Variants in CMC1 observed in about 807,000 individuals in gnomAD.
The protein encoded by CMC1 is C-X9-C motif containing 1, also known as COX assembly mitochondrial protein homolog.
In CMC1, 14 loss-of-function variants were observed where a neutral mutation model predicts 14.1. That is an observed-to-expected ratio of 0.99 (90% CI 0.66 to 1.55). The LOEUF is 1.55. Among genes scored for constraint, CMC1 ranks in the 40% most tolerant of loss-of-function variants. The pLI, the probability that CMC1 is intolerant of heterozygous loss-of-function variation, is 0.00. For synonymous variants in CMC1, 50 were observed against 38.4 expected, an observed-to-expected ratio of 1.30 and a Z score of -1.12; for missense variants, 127 against 123.8, an observed-to-expected ratio of 1.03 and a Z score of -0.12.
chr3:28,270,920 C>CTTTTTTTTTTTTTTTTTTTTTTTTT (rs71087680), intron 2 of CMC1, among the ~76,000 whole-genome samples: 2 of 83,738 alleles, frequency 2.4e-5, no homozygotes, highest in Non-Finnish European at 4.5e-5. Flanking sequence ...GAGTTAATTT[C>CTTTTTTTTTTTTTTTTTTTTTTTTT]TTTTTTTTTT....
At chr3:28,289,278 G>A (rs1701350021) in intron 2 of CMC1, among the ~76,000 whole-genome samples, 1 of 151,686 alleles carries the variant, frequency 6.6e-6, no homozygotes, top group African/African-American at 2.4e-5. Flanking sequence ...ATAAACTTTA[G>A]CTAGGTATCA....
At chr3:28,250,974 G>A (rs1224336118) in intron 1 of CMC1, among the ~76,000 whole-genome samples, 2 of 152,170 alleles carry the variant, frequency 1.3e-5, no homozygotes, top group East Asian at 1.9e-4. Context: ...TGTTCTGAAA[G>A]TTAATTTGAA....
intron 2 of CMC1, among the ~76,000 whole-genome samples, chr3:28,300,158 G>C (rs1701951994): frequency 6.6e-6 from 1 of 152,000 alleles, no homozygotes. Flanking sequence ...ATCATTGTCA[G>C]ATTTCTTCGA....
Position 28,324,585 on chromosome 3 carries a change from G to T in CMC1, c.*4956G>T. On this transcript the variant is annotated 3_prime_UTR_variant, in exon 4 of 4. Coordinates refer to ENST00000466830, the MANE Select transcript of CMC1 (RefSeq NM_182523.2). Reference sequence around the variant, plus strand: ...ATTTCCAAGTTAGTGTGATCATTGAGGCACTGTGACTAGGAGATAAATGAC... The same window carrying T: ...ATTTCCAAGTTAGTGTGATCATTGATGCACTGTGACTAGGAGATAAATGAC... 1 of 777,204 alleles carries T rather than the reference G, an allele frequency of 1.3e-6. No individual in the cohort carries two copies. Among genetic ancestry groups the T allele is most frequent in the Non-Finnish European group, 1.8e-6 (1 of 546,610 alleles). 48.1% of individuals were successfully genotyped at this position (777,204 alleles called of 1,614,324 possible).
At chr3:28,309,813 G>A (rs111987856) in intron 2 of CMC1, among the ~76,000 whole-genome samples, 2 of 133,486 alleles carry the variant, frequency 1.5e-5, no homozygotes, top group African/African-American at 6.1e-5. Flanking sequence ...TCCTGCAGCT[G>A]ATATTTACCA....
In CMC1 at chr3:28,241,682, CG is replaced by C. The variant is rs1370623416; in HGVS notation, c.-109del. The C allele has an allele frequency of 3.5e-5, 43 of 1,235,810 alleles. No homozygotes were observed. The East Asian group carries it at 7.9e-4, about 23-fold the overall frequency. The allele number at this position is 1,235,810 out of a possible 1,614,324, so 76.6% of individuals were successfully genotyped here. A position where few individuals can be genotyped will look rare whatever the true frequency, so the allele number is the denominator to read the frequency against. ...TTGCAAAGGGCCCGTGTTTCTGTTG[CG>C]GGAAGCTCCCGGGGGTCGCACGTGC... On this transcript the variant is annotated 5_prime_UTR_variant, in exon 1 of 4. Transcript: ENST00000466830.
In CMC1 at chr3:28,270,350, G is replaced by C. The variant is rs551532765; in HGVS notation, c.109+6970G>C. Among the ~76,000 whole-genome samples the C allele has an allele frequency of 1.7e-4, 26 of 152,300 alleles. 1 individual carries two copies. In the East Asian group the frequency reaches 2.9e-3, roughly 17 times the overall value. ...GAATCACCACACTGTCTTCCACAAT[G>C]GTTGAACTAATTTACATTCCCACCA... On this transcript the variant is annotated intron_variant, in intron 2 of 3. Coordinates refer to ENST00000466830, the MANE Select transcript of CMC1 (RefSeq NM_182523.2).
At chr3:28,241,957 G>A in intron 1 of CMC1, 145 bp downstream of exon 1, 1 of 782,040 alleles carries the variant, frequency 1.3e-6, no homozygotes, top group Middle Eastern at 2.5e-4. Context: ...CCCGGCGGCT[G>A]CTTCGCCCGG....
chr3:28,306,450 G>A (rs1349644957), intron 2 of CMC1, among the ~76,000 whole-genome samples: 1 of 151,954 alleles, frequency 6.6e-6, no homozygotes, highest in African/African-American at 2.4e-5. Flanking sequence ...TATTGTAAAT[G>A]GGATTGAGTT....
chr3:28,272,593 G>A (rs929133090), intron 2 of CMC1, among the ~76,000 whole-genome samples: 7 of 152,094 alleles, frequency 4.6e-5, no homozygotes, highest in East Asian at 1.9e-4. Flanking sequence ...GTGGATAAAC[G>A]TCTTGATGTG....
intron 1 of CMC1, among the ~76,000 whole-genome samples, chr3:28,243,800 C>G (rs1283424674): frequency 6.6e-6 from 1 of 152,204 alleles, no homozygotes; most frequent in Non-Finnish European, 1.5e-5. Context: ...ATTAACACCC[C>G]CTTTTCCCCC....
rs948676118 is a variant in CMC1 at position 28,321,799 on chromosome 3, T to C, written c.*2170T>C. 4 of 151,330 alleles carry C rather than the reference T, an allele frequency of 2.6e-5. No individual in the cohort carries two copies. Among genetic ancestry groups the C allele is most frequent in the South Asian group, 2.1e-4 (1 of 4,828 alleles). 9.4% of individuals were successfully genotyped at this position (151,330 alleles called of 1,614,324 possible). ...TCCATTTTGGCAGCAACTCAGTAAG[T>C]CTTACAGATGTAAATTTTACTTTAG... On this transcript the variant is annotated 3_prime_UTR_variant, in exon 4 of 4. Coordinates refer to ENST00000466830, the MANE Select transcript of CMC1 (RefSeq NM_182523.2).
At chr3:28,261,240 A>C (rs2125456685) in intron 1 of CMC1, among the ~76,000 whole-genome samples, 1 of 152,128 alleles carries the variant, frequency 6.6e-6, no homozygotes, top group Admixed American at 6.5e-5. Flanking sequence ...TTTTACAAAG[A>C]AGGTTACAAA....
At chr3:28,281,481 G>A (rs780160965) in intron 2 of CMC1, among the ~76,000 whole-genome samples, 13 of 152,144 alleles carry the variant, frequency 8.5e-5, no homozygotes, top group Non-Finnish European at 1.9e-4. Context: ...ATATTGCTCT[G>A]AATGCACAGA....
intron 2 of CMC1, among the ~76,000 whole-genome samples, chr3:28,273,282 G>A (rs1411238449): frequency 6.6e-6 from 1 of 152,160 alleles, no homozygotes; most frequent in Non-Finnish European, 1.5e-5. Context: ...AGAGGTTCTG[G>A]TATGTTGTCT....
chr3:28,259,782 A>G (rs1699635515), intron 1 of CMC1, among the ~76,000 whole-genome samples: 1 of 152,186 alleles, frequency 6.6e-6, no homozygotes, highest in African/African-American at 2.4e-5. Flanking sequence ...CAAAACCAGG[A>G]AACTGAAGTT....
chr3:28,278,702 G>A (rs1364841230), intron 2 of CMC1, among the ~76,000 whole-genome samples: 1 of 152,138 alleles, frequency 6.6e-6, no homozygotes, highest in Non-Finnish European at 1.5e-5. Flanking sequence ...AGAAAGACAT[G>A]GTGTCATAGC....
In CMC1 at chr3:28,274,206, GTTTTTGTTTTTTTCTTT is replaced by G. The variant is rs1040753505; in HGVS notation, c.109+10832_109+10848del. On this transcript the variant is annotated intron_variant, in intron 2 of 3. Coordinates refer to ENST00000466830, the MANE Select transcript of CMC1 (RefSeq NM_182523.2). ...GTGTCATTGGTCTTTGTACTAAAGT[GTTTTTGTTTTTTTCTTT>G]TTTTTTTTTTTTGCAGTGGCTAGTA... 2.3e-4 allele frequency among the ~76,000 whole-genome samples: 19 copies of G among 83,096 alleles called. 1 individual carries two copies. The highest frequency in any genetic ancestry group is 1.2e-3 in the Admixed American group (9 of 7,352). The allele number at this position is 83,096 out of a possible 152,430, so 54.5% of individuals were successfully genotyped here.
chr3:28,299,240 C>T (rs867866855), intron 2 of CMC1, among the ~76,000 whole-genome samples: 7 of 151,984 alleles, frequency 4.6e-5, no homozygotes, highest in Admixed American at 3.9e-4. Flanking sequence ...AAAATCTACT[C>T]GTGGCATATT....
Sources: allele counts gnomAD v4.1 joint callset (sites outside exome capture counted in the v4.1 genomes callset), GRCh38; gene constraint gnomAD v4.1.1; transcripts MANE v1.5; gene names NCBI Gene and HGNC (gene_info 2026-07-23, HGNC 2026-07-21).